Variants in TRAK2 observed in about 807,000 individuals in gnomAD.
TRAK2 encodes the protein trafficking kinesin protein 2.
Under a neutral mutation model 104.6 loss-of-function variants are expected in TRAK2, and 81 were observed. The ratio of observed to expected loss-of-function variants is 0.77; its 90% CI spans 0.65 to 0.93. The LOEUF (loss-of-function observed/expected upper bound fraction) is 0.93, where lower values mean the gene tolerates loss of function less well. Among genes scored for constraint, TRAK2 ranks in the 40% least tolerant of loss-of-function variants. TRAK2 has a pLI of 0.00. For synonymous variants in TRAK2, 406 were observed against 394.4 expected (o/e 1.03, Z -0.35); for missense variants, 1,002 against 1,089.0 (o/e 0.92, Z 1.12).
intron 2 of TRAK2, among the ~76,000 whole-genome samples, chr2:201,415,896 C>G (rs1951688098): frequency 1.3e-5 from 2 of 152,006 alleles, no homozygotes; most frequent in South Asian, 4.2e-4. Flanking sequence ...AAAACCACAT[C>G]AAAGCAAAAT....
At chr2:201,411,520 C>T in intron 2 of TRAK2, 1 of 746,874 alleles carries the variant, frequency 1.3e-6, no homozygotes. Context: ...GTCTTATGTT[C>T]AGACTCCAAC....
intron 14 of TRAK2, among the ~76,000 whole-genome samples, chr2:201,384,423 TA>T (rs1305472089): frequency 6.6e-6 from 1 of 151,922 alleles, no homozygotes; most frequent in Non-Finnish European, 1.5e-5. Flanking sequence ...TTTAAAACTG[TA>T]AAGCAAAAGG....
intron 1 of TRAK2, among the ~76,000 whole-genome samples, chr2:201,431,649 T>C (rs1951843385): frequency 6.6e-6 from 1 of 152,238 alleles, no homozygotes; most frequent in Non-Finnish European, 1.5e-5. Context: ...CGTCTCAAGA[T>C]CCTTAATGTA....
chr2:201,394,531 G>T (rs924069193), intron 9 of TRAK2, among the ~76,000 whole-genome samples: 26 of 151,564 alleles, frequency 1.7e-4, no homozygotes, highest in African/African-American at 6.1e-4. Context: ...ATTAGTGATG[G>T]GGTTTCACCA....
chr2:201,420,732 G>A, intron 1 of TRAK2, 26 bp from the exon 2 acceptor site: 1 of 429,016 alleles, frequency 2.3e-6, no homozygotes. Context: ...CAAGTGACTA[G>A]AACTCAGCAT....
intron 1 of TRAK2, among the ~76,000 whole-genome samples, chr2:201,431,157 T>C (rs1301568502): frequency 6.6e-6 from 1 of 152,238 alleles, no homozygotes. Flanking sequence ...TCAAGAGTGA[T>C]GATTCCTAAA....
chr2:201,388,947 GA>G (rs910742478), intron 12 of TRAK2, among the ~76,000 whole-genome samples: 19 of 150,840 alleles, frequency 1.3e-4, no homozygotes, highest in South Asian at 4.2e-4. Context: ...TAAAAGGAAT[GA>G]AAAAAAAATC....
Position 201,377,369 on chromosome 2 carries a change from C to T in TRAK2, c.*3174G>A, listed in dbSNP as rs992443489. The T allele has an allele frequency of 3.3e-5, 5 of 152,254 alleles. No individual in the cohort carries two copies. The highest frequency in any genetic ancestry group is 9.6e-5 in the African/African-American group (4 of 41,468). 9.4% of individuals were successfully genotyped at this position (152,254 alleles called of 1,614,324 possible). On this transcript the variant is annotated 3_prime_UTR_variant, in exon 16 of 16. Coordinates refer to ENST00000332624, the MANE Select transcript of TRAK2 (RefSeq NM_015049.3). ...GTGCCCACTCTGAGGGGGATGTCCTCTGCCATGCGACCGCTCAGTTATCAC... is the reference window on the plus strand; with the variant it reads ...GTGCCCACTCTGAGGGGGATGTCCTTTGCCATGCGACCGCTCAGTTATCAC...
intron 2 of TRAK2, chr2:201,413,250 G>A (rs1951663529): frequency 7.4e-7 from 1 of 1,358,656 alleles, no homozygotes; most frequent in African/African-American, 1.4e-5. Flanking sequence ...TACAGCACTA[G>A]TGACATCAGC....
rs1223681139 is a variant in TRAK2, at chr2:201,399,444, T to C, written c.413A>G (p.Lys138Arg). Reference protein sequence around the residue: ...LAARIGQALLKRNHVLSEQNE... With the variant: ...LAARIGQALLRRNHVLSEQNE... ...CTGCTCAGATAAGACATGGTTCCGC[T>C]TTAAGAGAGCTTGTCCAATTCGAGC... Residue 138 changes from lysine to arginine, a missense_variant, in exon 5 of 16, where the codon AAG becomes AGG. Physicochemically the swap from Lys to Arg is conservative, Grantham distance 26. Coordinates refer to ENST00000332624, the MANE Select transcript of TRAK2 (RefSeq NM_015049.3). The C allele has an allele frequency of 1.2e-6, 2 of 1,612,700 alleles. No homozygotes were observed. Among genetic ancestry groups the C allele is most frequent in the Non-Finnish European group, 1.7e-6 (2 of 1,179,036 alleles).
Position 201,451,027 on chromosome 2 carries a change from A to C in TRAK2, c.-200+323T>G, listed in dbSNP as rs140393090. Among the ~76,000 whole-genome samples, 460 of 152,290 alleles carry C rather than the reference A, an allele frequency of 3.0e-3. 3 individuals are homozygous for C. Among genetic ancestry groups the C allele is most frequent in the African/African-American group, 0.01 (419 of 41,554 alleles). ...CTTAAGGTTTAATGCCCGACCCTAAAGCCACTCATCCTAAAAGACAGGGCT... is the reference window on the plus strand; with the variant it reads ...CTTAAGGTTTAATGCCCGACCCTAACGCCACTCATCCTAAAAGACAGGGCT... On this transcript the variant is annotated intron_variant, in intron 1 of 15. Transcript: ENST00000332624.
chr2:201,434,006 G>A (rs1399592016), intron 1 of TRAK2, among the ~76,000 whole-genome samples: 1 of 151,600 alleles, frequency 6.6e-6, no homozygotes. Flanking sequence ...TGCCCAGGCC[G>A]GACTGCAGTG....
At chr2:201,427,092 C>T (rs1951795184) in intron 1 of TRAK2, among the ~76,000 whole-genome samples, 1 of 152,134 alleles carries the variant, frequency 6.6e-6, no homozygotes. Flanking sequence ...TAGTTTGGTA[C>T]CCAACATACA....
chr2:201,399,466 GAGC>G lies in TRAK2; in HGVS notation c.388_390del (p.Ala130del). Reference sequence around the variant, plus strand: ...CGCTTTAAGAGAGCTTGTCCAATTCGAGCAGCGAGTTCCAGATCACGATCCCTC... The same window carrying G: ...CGCTTTAAGAGAGCTTGTCCAATTCGAGCGAGTTCCAGATCACGATCCCTC... On this transcript the variant is annotated inframe_deletion, in exon 5 of 16. Coordinates refer to ENST00000332624, the MANE Select transcript of TRAK2 (RefSeq NM_015049.3). The G allele has an allele frequency of 6.2e-7, 1 of 1,612,482 alleles. No homozygotes were observed. Among genetic ancestry groups the G allele is most frequent in the Non-Finnish European group, 8.5e-7 (1 of 1,178,850 alleles).
At chr2:201,397,383 C>A (rs905938664) in intron 7 of TRAK2, 119 bp downstream of exon 7, 8 of 607,054 alleles carry the variant, frequency 1.3e-5, no homozygotes, top group Non-Finnish European at 2.3e-5. Context: ...TTTTCAGTAA[C>A]CATTTAAAAT....
At chr2:201,385,873 T>C (rs2540329) in intron 14 of TRAK2, among the ~76,000 whole-genome samples, 148,837 of 152,334 alleles carry the variant, frequency 0.98, 72,799 homozygotes, top group East Asian at 1. Context: ...TTTATGGTTT[T>C]TCAGTTTTGA....
At position 201,380,449 on chromosome 2, in the gene TRAK2, T is replaced by C. The variant is rs181980491; in HGVS notation, c.*94A>G. The stretch of plus-strand genomic sequence containing the variant: ...CACATTCACAACCCTTGTGCAACAT[T>C]CCTTTTCTCTCAAGTCAGACCAGAC... On this transcript the variant is annotated 3_prime_UTR_variant, in exon 16 of 16. Coordinates refer to ENST00000332624, the MANE Select transcript of TRAK2 (RefSeq NM_015049.3). 109 of 1,265,878 alleles carry C rather than the reference T, an allele frequency of 8.6e-5. No homozygotes were observed. The African/African-American group carries it at 1.4e-3, about 17-fold the overall frequency. The allele number at this position is 1,265,878 out of a possible 1,614,324, so 78.4% of individuals were successfully genotyped here. A position where few individuals can be genotyped will look rare whatever the true frequency, so the allele number is the denominator to read the frequency against.
chr2:201,401,171 T>A, intron 3 of TRAK2, 77 bp from the exon 4 acceptor site: 7 of 802,882 alleles, frequency 8.7e-6, no homozygotes, highest in Non-Finnish European at 1.4e-5. Context: ...AATTGAGAGA[T>A]AACAACAACA....
rs1333126704 is a variant in TRAK2, at chr2:201,410,943, C to T, written c.92-3346G>A. ...TTTGGTCACTCCAACTGTGCTTGGA[C>T]TACTGTAGAAGTTCTGGTTTGTAGT... is the stretch of plus-strand genomic sequence containing the variant. On this transcript the variant is annotated intron_variant, in intron 2 of 15. Coordinates refer to ENST00000332624, the MANE Select transcript of TRAK2 (RefSeq NM_015049.3). The T allele has an allele frequency of 2.5e-6, 4 of 1,572,740 alleles. No individual in the cohort carries two copies. The Admixed American group carries it at 6.7e-5, about 26-fold the overall frequency.
Sources: gnomAD v4.1 joint callset for allele counts (sites outside exome capture counted in the v4.1 genomes callset) on GRCh38, gnomAD v4.1.1 for gene constraint, MANE v1.5 for transcripts, NCBI Gene and HGNC (gene_info 2026-07-23, HGNC 2026-07-21) for gene names.